Variants in NFATC4 observed in about 807,000 individuals in gnomAD.
NFATC4 encodes nuclear factor of activated T cells 4, also known as nuclear factor of activated T-cells, cytoplasmic 4.
Under a neutral mutation model 73.4 loss-of-function variants are expected in NFATC4, and 25 were observed. That is an observed-to-expected ratio of 0.34 (90% CI 0.25 to 0.48). NFATC4 has a LOEUF of 0.48. NFATC4 is among the 20% of genes least tolerant of loss of function. NFATC4 has a pLI of 0.99. For missense variants in NFATC4, 1,130 were observed against 1,203.7 expected (o/e 0.94, Z 0.91); for synonymous variants, 523 against 510.3 (o/e 1.02, Z -0.34).
In NFATC4 at chr14:24,373,902, C is replaced by T. The variant is rs1566468355; in HGVS notation, c.1732+35C>T. ...GAGGCCCTGGGCCATGTCTCTGTCTCTTGCAACTCTTTTGTCTGTGTGTGT... is the reference window on the plus strand; with the variant it reads ...GAGGCCCTGGGCCATGTCTCTGTCTTTTGCAACTCTTTTGTCTGTGTGTGT... On this transcript the variant is annotated intron_variant, in intron 5 of 9. Transcript: ENST00000250373. This position sits in a 1 kb window ranked among gnomAD's most constrained non-coding sequence, Gnocchi z 4.7. 2 of 1,612,692 alleles carry T rather than the reference C, an allele frequency of 1.2e-6. No homozygotes were observed. The highest frequency in any genetic ancestry group is 1.7e-6 in the Non-Finnish European group (2 of 1,179,436).
At chr14:24,367,502 A>C, upstream of NFATC4, 1 of 1,535,278 alleles carries the variant, frequency 6.5e-7, no homozygotes, top group Non-Finnish European at 8.7e-7. Context: ...GCCTAGGGAC[A>C]GTTCTCAAAG....
Position 24,377,406 on chromosome 14 carries a change from A to C in NFATC4, c.2642-232A>C. 7.3e-7 allele frequency: 1 copy of C among 1,379,076 alleles called. No individual in the cohort carries two copies. Among genetic ancestry groups the C allele is most frequent in the Middle Eastern group, 2.6e-4 (1 of 3,774 alleles). 85.4% of individuals were successfully genotyped at this position (1,379,076 alleles called of 1,614,324 possible). A position where few individuals can be genotyped will look rare whatever the true frequency, so the allele number is the denominator to read the frequency against. Reference sequence around the variant, plus strand: ...ACATTTCAGGCTAAGCCAGCAGGAAAGGGCTAGGACGGGTGCCTGGGAGCC... The same window carrying C: ...ACATTTCAGGCTAAGCCAGCAGGAACGGGCTAGGACGGGTGCCTGGGAGCC... On this transcript the variant is annotated intron_variant, in intron 9 of 9. Transcript: ENST00000250373. The surrounding 1 kb of genome is among the most constrained non-coding windows in gnomAD (Gnocchi z 4.2).
Position 24,377,345 on chromosome 14 carries a change from C to T in NFATC4, c.2642-293C>T. The T allele has an allele frequency of 7.6e-7, 1 of 1,318,210 alleles. No homozygotes were observed. The highest frequency in any genetic ancestry group is 2.1e-5 in the South Asian group (1 of 46,916). The allele number at this position is 1,318,210 out of a possible 1,614,324, so 81.7% of individuals were successfully genotyped here. ...TGCCTCTCCTTCTTCCCATTGGCTA[C>T]ACCCATCTCTGGCCCTGCTGATACC... is the stretch of plus-strand genomic sequence containing the variant. On this transcript the variant is annotated intron_variant, in intron 9 of 9. Coordinates refer to ENST00000250373, the MANE Select transcript of NFATC4 (RefSeq NM_004554.5). The surrounding 1 kb of genome is among the most constrained non-coding windows in gnomAD (Gnocchi z 4.2).
intron 2 of NFATC4, among the ~76,000 whole-genome samples, chr14:24,370,936 C>T (rs986530735): frequency 6.6e-6 from 1 of 152,190 alleles, no homozygotes; most frequent in Non-Finnish European, 1.5e-5. Context: ...TGGCATGTGG[C>T]TGAGTGTGGA....
chr14:24,371,063 A>G (rs1031164750), intron 2 of NFATC4, among the ~76,000 whole-genome samples: 1 of 152,202 alleles, frequency 6.6e-6, no homozygotes, highest in East Asian at 1.9e-4. Context: ...CTAGAGCCTG[A>G]CCTACTAGCT....
Position 24,369,535 on chromosome 14 carries a change from T to A in NFATC4, c.137T>A (p.Leu46Gln). ...GAGGATGCCCCGCCATGCTGCCGTC[T>A]GGCCTTGGGAGAGCCCCCTCCCTAT... ...DSEDAPPCCR[L>Q]ALGEPPPYGA... Residue 46 changes from leucine (L) to glutamine (Q), a missense_variant, in exon 2 of 10, where the codon CTG becomes CAG. Physicochemically the swap from Leu to Gln is moderately radical, Grantham distance 113 (BLOSUM62 -2). Transcript: ENST00000250373. 6.2e-7 allele frequency: 1 copy of A among 1,610,156 alleles called. No individual in the cohort carries two copies. The highest frequency in any genetic ancestry group is 1.3e-5 in the African/African-American group (1 of 75,002).
chr14:24,376,277 A>G lies in NFATC4; in HGVS notation c.2057-17A>G. On this transcript the variant is annotated splice_polypyrimidine_tract_variant and intron_variant, in intron 8 of 9. Coordinates refer to ENST00000250373, the MANE Select transcript of NFATC4 (RefSeq NM_004554.5). This position sits in a 1 kb window ranked among gnomAD's most constrained non-coding sequence, Gnocchi z 5.0. ...AGACCTCTCACCAGCATGTCCTCCC[A>G]CTTCCTGTCTTCCCAGTGATCTGCA... The G allele has an allele frequency of 6.4e-7, 1 of 1,559,274 alleles. No individual in the cohort carries two copies. Among genetic ancestry groups the G allele is most frequent in the Non-Finnish European group, 8.7e-7 (1 of 1,152,382 alleles).
Position 24,376,896 on chromosome 14 carries a change from G to A in NFATC4, c.2641+18G>A, listed in dbSNP as rs1467750064. 1 of 1,533,936 alleles carries A rather than the reference G, an allele frequency of 6.5e-7. No homozygotes were observed. The highest frequency in any genetic ancestry group is 8.7e-7 in the Non-Finnish European group (1 of 1,143,032). ...GGAGGAAGGTGGGTGTGGGACTGGG[G>A]GCTGTGAGTGTGAGTGTGTGCAAGA... On this transcript the variant is annotated intron_variant, in intron 9 of 9. Coordinates refer to ENST00000250373, the MANE Select transcript of NFATC4 (RefSeq NM_004554.5). This position sits in a 1 kb window ranked among gnomAD's most constrained non-coding sequence, Gnocchi z 5.0.
In NFATC4 at chr14:24,376,006, G is replaced by T. The variant is rs756982644; in HGVS notation, c.1961G>T (p.Ser654Ile). The change falls in exon 8 of 10, where the codon AGC becomes ATC. Residue 654 changes from serine to isoleucine, a missense_variant. By Grantham distance (142) the Ser-to-Ile change is moderately radical (BLOSUM62 -2). Transcript: ENST00000250373. This position sits in a 1 kb window ranked among gnomAD's most constrained non-coding sequence, Gnocchi z 5.0. ...VTLTLTVPEYSNKRVSRPVQV... is the reference protein window; with the variant it reads ...VTLTLTVPEYINKRVSRPVQV... ...CTGACCCTGACTGTCCCCGAGTACA[G>T]CAACAAGAGGGTTTCCCGGCCAGTC... 1 of 1,613,956 alleles carries T rather than the reference G, an allele frequency of 6.2e-7. No homozygotes were observed. Among genetic ancestry groups the T allele is most frequent in the Non-Finnish European group, 8.5e-7 (1 of 1,179,988 alleles).
At position 24,368,346 on chromosome 14, in the gene NFATC4, G is replaced by A. The variant is rs1332853247; in HGVS notation, c.6G>A (p.Gly2=). 22 of 1,387,886 alleles carry A rather than the reference G, an allele frequency of 1.6e-5. No individual in the cohort carries two copies. Among genetic ancestry groups the A allele is most frequent in the Non-Finnish European group, 2.0e-5 (21 of 1,072,178 alleles). The allele number at this position is 1,387,886 out of a possible 1,614,324, so 86.0% of individuals were successfully genotyped here. M[G]AASCEDEELE... ...TGGGGGCTCCTGCCGGATCCATGGGGGCGGCCAGCTGCGAGGATGAGGAGC... is the reference window on the plus strand; with the variant it reads ...TGGGGGCTCCTGCCGGATCCATGGGAGCGGCCAGCTGCGAGGATGAGGAGC... The change falls in exon 1 of 10, where the codon GGG becomes GGA. Residue 2 remains glycine, a synonymous_variant. Transcript: ENST00000250373.
upstream of NFATC4, chr14:24,367,023 G>C (rs774936616): frequency 2.5e-6 from 4 of 1,613,216 alleles, no homozygotes; most frequent in South Asian, 3.3e-5. Context: ...CGGCCTCTAA[G>C]AGAGGTTGAA....
Position 24,376,405 on chromosome 14 carries a change from C to A in NFATC4, c.2168C>A (p.Pro723His). 1.2e-6 allele frequency: 2 copies of A among 1,613,634 alleles called. No individual in the cohort carries two copies. Among genetic ancestry groups the A allele is most frequent in the Non-Finnish European group, 1.7e-6 (2 of 1,179,774 alleles). The change falls in exon 9 of 10, where the codon CCC becomes CAC. Residue 723 changes from proline (P) to histidine (H), a missense_variant. By Grantham distance (77) the Pro-to-His change is moderately conservative. This residue lies in a region of NFATC4 where 390 missense variants were observed against 408.1 expected (regional missense o/e 0.96). Coordinates refer to ENST00000250373, the MANE Select transcript of NFATC4 (RefSeq NM_004554.5). This position sits in a 1 kb window ranked among gnomAD's most constrained non-coding sequence, Gnocchi z 5.0. ...TTCTCACCACCCAGGCCCCCCTACCCCTCCTATCCCCATGAAGACCCTGCT... is the reference window on the plus strand; with the variant it reads ...TTCTCACCACCCAGGCCCCCCTACCACTCCTATCCCCATGAAGACCCTGCT... Reference protein sequence around the residue: ...MDFSPPRPPYPSYPHEDPACE... With the variant: ...MDFSPPRPPYHSYPHEDPACE...
At position 24,377,470 on chromosome 14, in the gene NFATC4, G is replaced by T; in HGVS notation, c.2642-168G>T. 2 of 1,442,138 alleles carry T rather than the reference G, an allele frequency of 1.4e-6. No individual in the cohort carries two copies. Among genetic ancestry groups the T allele is most frequent in the East Asian group, 5.0e-5 (2 of 40,050 alleles). The allele number at this position is 1,442,138 out of a possible 1,614,324, so 89.3% of individuals were successfully genotyped here. A position where few individuals can be genotyped will look rare whatever the true frequency, so the allele number is the denominator to read the frequency against. On this transcript the variant is annotated intron_variant, in intron 9 of 9. Transcript: ENST00000250373. The surrounding 1 kb of genome is among the most constrained non-coding windows in gnomAD (Gnocchi z 4.2). Reference sequence around the variant, plus strand: ...TTGGGCAAGATTTGATTCGGAGCAGGTGTCAAGACGTGTTGGGGAAACTGA... The same window carrying T: ...TTGGGCAAGATTTGATTCGGAGCAGTTGTCAAGACGTGTTGGGGAAACTGA...
chr14:24,376,147 G>A lies in NFATC4; in HGVS notation c.2056+46G>A. ...TGGTGGGGGTATAGGGATATGGGGA[G>A]CTGGAGCAGGAGCAGAGGGAAGCAG... On this transcript the variant is annotated intron_variant, in intron 8 of 9. Transcript: ENST00000250373. The surrounding 1 kb of genome is among the most constrained non-coding windows in gnomAD (Gnocchi z 5.0). 1.2e-6 allele frequency: 2 copies of A among 1,612,744 alleles called. No individual in the cohort carries two copies. The highest frequency in any genetic ancestry group is 1.7e-6 in the Non-Finnish European group (2 of 1,179,152).
intron 2 of NFATC4, 25 bp downstream of exon 2, chr14:24,370,619 G>A (rs368967896): frequency 7.6e-6 from 12 of 1,586,016 alleles, no homozygotes; most frequent in Middle Eastern, 1.7e-4. Context: ...TGGCACTACC[G>A]CTCTCTCTAG....
Position 24,370,600 on chromosome 14 carries a change from G to T in NFATC4, c.1196+6G>T. 6.3e-7 allele frequency: 1 copy of T among 1,599,102 alleles called. No homozygotes were observed. Among genetic ancestry groups the T allele is most frequent in the Non-Finnish European group, 8.6e-7 (1 of 1,168,702 alleles). On this transcript the variant is annotated splice_donor_region_variant and intron_variant, in intron 2 of 9. Transcript: ENST00000250373. Reference sequence around the variant, plus strand: ...GGACACAGCCCTATCTTCAGGTGAGGGTTGCGCCTGGCACTACCGCTCTCT... The same window carrying T: ...GGACACAGCCCTATCTTCAGGTGAGTGTTGCGCCTGGCACTACCGCTCTCT...
chr14:24,366,916 C>A, upstream of NFATC4: 2 of 1,512,346 alleles, frequency 1.3e-6, no homozygotes, highest in Non-Finnish European at 1.8e-6. Flanking sequence ...TGTTTGTAAA[C>A]GTCTGACCTG....
Position 24,370,045 on chromosome 14 carries a change from C to G in NFATC4, c.647C>G (p.Pro216Arg), listed in dbSNP as rs1055374659. 2 of 1,609,660 alleles carry G rather than the reference C, an allele frequency of 1.2e-6. No individual in the cohort carries two copies. Among genetic ancestry groups the G allele is most frequent in the African/African-American group, 1.3e-5 (1 of 75,042 alleles). ...ASRFGLGSPL[P>R]SPRASPRPWT... Reference sequence around the variant, plus strand: ...CGCTTTGGCCTGGGCTCCCCGCTGCCCTCGCCCCGGGCCTCCCCTCGGCCA... The same window carrying G: ...CGCTTTGGCCTGGGCTCCCCGCTGCGCTCGCCCCGGGCCTCCCCTCGGCCA... The change falls in exon 2 of 10, where the codon CCC becomes CGC. Residue 216 changes from proline (P) to arginine (R), a missense_variant. By Grantham distance (103) the Pro-to-Arg change is moderately radical. Coordinates refer to ENST00000250373, the MANE Select transcript of NFATC4 (RefSeq NM_004554.5).
chr14:24,367,236 G>A (rs774601381), upstream of NFATC4: 1 of 1,612,790 alleles, frequency 6.2e-7, no homozygotes, highest in Non-Finnish European at 8.5e-7. Flanking sequence ...CCAGCCTGTT[G>A]GGGGCGGGGG....
Sources: gnomAD v4.1 joint callset for allele counts (sites outside exome capture counted in the v4.1 genomes callset) on GRCh38, gnomAD v4.1.1 for gene constraint, gnomAD v4.1.1 regional missense constraint, Gnocchi (gnomAD v3.1) non-coding constraint, MANE v1.5 for transcripts, NCBI Gene and HGNC (gene_info 2026-07-23, HGNC 2026-07-21) for gene names.